PLCB4: variants seen among roughly 807,000 people sequenced by gnomAD.
PLCB4 encodes 1-phosphatidylinositol 4,5-bisphosphate phosphodiesterase beta-4.
A neutral mutation model predicts 178.8 loss-of-function variants in PLCB4; 77 were observed. That is an observed-to-expected ratio of 0.43 (90% CI 0.36 to 0.52). The LOEUF (loss-of-function observed/expected upper bound fraction) is 0.52. Among genes scored for constraint, PLCB4 ranks in the 20% least tolerant of loss-of-function variants. The pLI, the probability that PLCB4 is intolerant of heterozygous loss-of-function variation, is 0.00. For synonymous variants in PLCB4, 496 were observed against 490.8 expected, an observed-to-expected ratio of 1.01 and a Z score of -0.14; for missense variants, 1,024 against 1,453.4, an observed-to-expected ratio of 0.70 and a Z score of 4.80.
chr20:9,480,482 C>T lies in PLCB4; in HGVS notation c.*1473C>T, dbSNP rs1022462737. ...AAAAAATTAAAACACGCATAACACT[C>T]GTCAAGAGTATTTGCTCCCAAGACA... On this transcript the variant is annotated 3_prime_UTR_variant, in exon 40 of 40. Coordinates refer to ENST00000378473, the MANE Select transcript of PLCB4 (RefSeq NM_001377142.1). 3.3e-5 allele frequency: 5 copies of T among 152,678 alleles called. No homozygotes were observed. The highest frequency in any genetic ancestry group is 2.1e-4 in the South Asian group (1 of 4,822). 9.5% of individuals were successfully genotyped at this position (152,678 alleles called of 1,614,324 possible).
chr20:9,176,845 T>C (rs1237943454), intron 2 of PLCB4, among the ~76,000 whole-genome samples: 2 of 152,204 alleles, frequency 1.3e-5, no homozygotes, highest in Non-Finnish European at 2.9e-5. Context: ...GAGGAAACTG[T>C]TAGAAGCTTT....
rs184342758 is a variant in PLCB4 at position 9,346,681 on chromosome 20, G to C, written c.369+7644G>C. ...CATTGGAAACAAATCAATGAGGGGG[G>C]GCATTAAGCTGTCCGGAGTGCAGAG... On this transcript the variant is annotated intron_variant, in intron 7 of 39. Coordinates refer to ENST00000378473, the MANE Select transcript of PLCB4 (RefSeq NM_001377142.1). 3.9e-5 allele frequency among the ~76,000 whole-genome samples: 6 copies of C among 152,188 alleles called. No homozygotes were observed. In the East Asian group the frequency reaches 5.8e-4, roughly 15 times the overall value.
At chr20:9,182,635 G>C (rs1470707242) in intron 2 of PLCB4, among the ~76,000 whole-genome samples, 1 of 152,220 alleles carries the variant, frequency 6.6e-6, no homozygotes, top group Non-Finnish European at 1.5e-5. Flanking sequence ...TGAAGGGCAG[G>C]TGGTTGGCCT....
chr20:9,262,620 T>C (rs1391906305), intron 3 of PLCB4, among the ~76,000 whole-genome samples: 3 of 152,198 alleles, frequency 2.0e-5, no homozygotes, highest in African/African-American at 7.2e-5. Flanking sequence ...AGACTCCTTG[T>C]AAATGACTTG....
At chr20:9,276,507 G>A (rs1014732224) in intron 3 of PLCB4, among the ~76,000 whole-genome samples, 2 of 151,980 alleles carry the variant, frequency 1.3e-5, no homozygotes, top group African/African-American at 4.8e-5. Context: ...AAGCCTCTGG[G>A]TACATTTTTA....
intron 2 of PLCB4, among the ~76,000 whole-genome samples, chr20:9,098,657 A>G (rs1271186205): frequency 1.3e-5 from 2 of 150,842 alleles, no homozygotes; most frequent in African/African-American, 2.4e-5. Context: ...TATATATGTT[A>G]GTCTCATATA....
intron 4 of PLCB4, among the ~76,000 whole-genome samples, chr20:9,328,350 G>GA (rs2031060716): frequency 6.6e-6 from 1 of 151,726 alleles, no homozygotes; most frequent in South Asian, 2.1e-4. Context: ...CCTAGGATCT[G>GA]AAAAAAAATT....
intron 3 of PLCB4, among the ~76,000 whole-genome samples, chr20:9,303,727 A>C (rs935560260): frequency 6.6e-6 from 1 of 152,238 alleles, no homozygotes. Flanking sequence ...TGGATCATTT[A>C]GTTCCTCAAA....
chr20:9,433,988 A>G (rs1350748324), intron 28 of PLCB4, among the ~76,000 whole-genome samples: 2 of 152,216 alleles, frequency 1.3e-5, no homozygotes, highest in Non-Finnish European at 2.9e-5. Context: ...TATTCTGTAA[A>G]TATATGTAGA....
intron 9 of PLCB4, among the ~76,000 whole-genome samples, chr20:9,369,993 G>T (rs1238661968): frequency 1.3e-5 from 2 of 152,188 alleles, no homozygotes; most frequent in Non-Finnish European, 2.9e-5. Flanking sequence ...CATTACCTGG[G>T]CTTCCAATCA....
chr20:9,304,482 AAG>A (rs1246121660), intron 3 of PLCB4, among the ~76,000 whole-genome samples: 1 of 152,196 alleles, frequency 6.6e-6, no homozygotes, highest in Non-Finnish European at 1.5e-5. Context: ...TAAATATATT[AAG>A]AGAGAGAATA....
intron 35 of PLCB4, among the ~76,000 whole-genome samples, chr20:9,463,956 C>T (rs948077854): frequency 3.3e-5 from 5 of 152,154 alleles, no homozygotes; most frequent in Non-Finnish European, 7.4e-5. Context: ...GACTCTCCAC[C>T]CCAAATCAAC....
At chr20:9,406,669 G>A (rs1305461013) in intron 21 of PLCB4, among the ~76,000 whole-genome samples, 1 of 151,776 alleles carries the variant, frequency 6.6e-6, no homozygotes, top group Admixed American at 6.6e-5. Context: ...TAATTTTTTT[G>A]TATTTTTAAT....
At chr20:9,282,303 A>G (rs1322178713) in intron 3 of PLCB4, among the ~76,000 whole-genome samples, 1 of 151,996 alleles carries the variant, frequency 6.6e-6, no homozygotes, top group Non-Finnish European at 1.5e-5. Flanking sequence ...TCAGAGAAAA[A>G]TAGGATATAA....
chr20:9,185,859 T>A (rs536824591), intron 2 of PLCB4, among the ~76,000 whole-genome samples: 40 of 152,326 alleles, frequency 2.6e-4, no homozygotes, highest in Middle Eastern at 6.8e-3. Flanking sequence ...GCTAAATCTC[T>A]CATTTCCTTA....
chr20:9,206,915 G>A lies in PLCB4; in HGVS notation c.-78-10475G>A, dbSNP rs8114839. 6.6e-3 allele frequency among the ~76,000 whole-genome samples: 1,011 copies of A among 152,160 alleles called. 16 individuals are homozygous for A. The highest frequency in any genetic ancestry group is 0.023 in the African/African-American group (965 of 41,504). On this transcript the variant is annotated intron_variant, in intron 2 of 39. Coordinates refer to ENST00000378473, the MANE Select transcript of PLCB4 (RefSeq NM_001377142.1). Reference sequence around the variant, plus strand: ...GGGTAGATCACAAGGTCAGGAGTTCGAGACCAGCTTAGCCAATATGGTGAA... The same window carrying A: ...GGGTAGATCACAAGGTCAGGAGTTCAAGACCAGCTTAGCCAATATGGTGAA...
chr20:9,351,969 C>T (rs1281154310), intron 7 of PLCB4, among the ~76,000 whole-genome samples: 1 of 152,150 alleles, frequency 6.6e-6, no homozygotes, highest in African/African-American at 2.4e-5. Context: ...TTTACTCATC[C>T]CATACCAACA....
chr20:9,421,514 T>G lies in PLCB4; in HGVS notation c.2319+53T>G. 5 of 1,464,392 alleles carry G rather than the reference T, an allele frequency of 3.4e-6. No homozygotes were observed. The Admixed American group carries it at 8.4e-5, about 25-fold the overall frequency. The allele number at this position is 1,464,392 out of a possible 1,614,324, so 90.7% of individuals were successfully genotyped here. A position where few individuals can be genotyped will look rare whatever the true frequency, so the allele number is the denominator to read the frequency against. On this transcript the variant is annotated intron_variant, in intron 27 of 39. Transcript: ENST00000378473. ...ACTCTAATAACTTGGGAGCCATGTT[T>G]TAGTTCACAGACGCTACACGATACA...
At chr20:9,382,090 T>G (rs1268974519) in intron 13 of PLCB4, among the ~76,000 whole-genome samples, 1 of 152,218 alleles carries the variant, frequency 6.6e-6, no homozygotes, top group Non-Finnish European at 1.5e-5. Flanking sequence ...CCCCTAGATA[T>G]GTTCCTTTCA....
Sources: allele counts gnomAD v4.1 joint callset (sites outside exome capture counted in the v4.1 genomes callset), GRCh38; gene constraint gnomAD v4.1.1; transcripts MANE v1.5; gene names NCBI Gene and HGNC (gene_info 2026-07-23, HGNC 2026-07-21).